Variants in SLC44A5 observed in about 807,000 individuals in gnomAD.
The protein encoded by SLC44A5 is solute carrier family 44 member 5.
In SLC44A5, 57 loss-of-function variants were observed where a neutral mutation model predicts 101.8. The ratio of observed to expected loss-of-function variants is 0.56; its 90% CI spans 0.45 to 0.70. SLC44A5 has a LOEUF of 0.70. Ranked by LOEUF, SLC44A5 falls within the 30% of genes least tolerant of loss-of-function variation. The probability of loss-of-function intolerance (pLI) is 0.00; values close to 1 mark genes in which losing one functional copy is unlikely to be tolerated. For missense variants in SLC44A5, 737 were observed against 853.1 expected, an observed-to-expected ratio of 0.86 and a Z score of 1.70; for synonymous variants, 281 against 290.9, an observed-to-expected ratio of 0.97 and a Z score of 0.35.
intron 3 of SLC44A5, among the ~76,000 whole-genome samples, chr1:75,360,372 G>T (rs969565318): frequency 6.6e-6 from 1 of 152,032 alleles, no homozygotes; most frequent in African/African-American, 2.4e-5. Flanking sequence ...GTCTCACTTT[G>T]TTGTCCAGGC....
At chr1:75,333,805 G>A (rs894777923) in intron 4 of SLC44A5, among the ~76,000 whole-genome samples, 3 of 152,138 alleles carry the variant, frequency 2.0e-5, no homozygotes, top group African/African-American at 2.4e-5. Context: ...CAAAGCAGAG[G>A]TGACCCTTGC....
At chr1:75,297,253 C>G (rs1333798681) in intron 5 of SLC44A5, among the ~76,000 whole-genome samples, 1 of 152,106 alleles carries the variant, frequency 6.6e-6, no homozygotes, top group Non-Finnish European at 1.5e-5. Context: ...AAAGAGTAAT[C>G]AATTTAAAAA....
the SLC44A5 span, among the ~76,000 whole-genome samples, chr1:75,670,710 C>G: frequency 6.6e-6 from 1 of 152,156 alleles, no homozygotes; most frequent in African/African-American, 2.4e-5. Context: ...GAAAAGATAG[C>G]TGTCATTATA....
the SLC44A5 span, among the ~76,000 whole-genome samples, chr1:75,683,863 A>C: frequency 6.6e-6 from 1 of 152,164 alleles, no homozygotes; most frequent in African/African-American, 2.4e-5. Context: ...TTGAAAATAA[A>C]GGGATGGAAA....
chr1:75,597,187 C>CAAAAA (rs36100438), intron 1 of SLC44A5, among the ~76,000 whole-genome samples: 1 of 102,994 alleles, frequency 9.7e-6, no homozygotes. Flanking sequence ...GACTTTGTCT[C>CAAAAA]AAAAAAAAAA....
At chr1:75,241,902 A>G (rs1648662222) in intron 9 of SLC44A5, 99 bp downstream of exon 9, 1 of 1,030,160 alleles carries the variant, frequency 9.7e-7, no homozygotes, top group Non-Finnish European at 1.5e-6. Context: ...TCAGAGGACC[A>G]TTCTTGGCCT....
the SLC44A5 span, among the ~76,000 whole-genome samples, chr1:75,662,803 T>C: frequency 6.6e-6 from 1 of 152,126 alleles, no homozygotes; most frequent in Non-Finnish European, 1.5e-5. Flanking sequence ...CTATTCTTTC[T>C]GTGTACTTAT....
At chr1:75,232,302 T>G (rs949124827) in intron 12 of SLC44A5, among the ~76,000 whole-genome samples, 1 of 152,166 alleles carries the variant, frequency 6.6e-6, no homozygotes, top group Non-Finnish European at 1.5e-5. Flanking sequence ...AGACATCAGT[T>G]AAGTCAATAG....
chr1:75,498,467 T>C (rs1172678112), intron 2 of SLC44A5, among the ~76,000 whole-genome samples: 1 of 152,186 alleles, frequency 6.6e-6, no homozygotes, highest in Non-Finnish European at 1.5e-5. Context: ...TTGCATTCTT[T>C]AAAATGCATA....
chr1:75,414,324 TACACACACACACAC>T lies in SLC44A5; in HGVS notation c.14-17717_14-17704del, dbSNP rs35421682. 4.3e-3 allele frequency among the ~76,000 whole-genome samples: 635 copies of T among 146,088 alleles called. 5 individuals carry two copies. In the Middle Eastern group the frequency reaches 0.045, roughly 10 times the overall value. ...ATACATACATACATACATATCCACA[TACACACACACACAC>T]ACACACACACACACACACATATATC... On this transcript the variant is annotated intron_variant, in intron 2 of 23. Transcript: ENST00000370859.
the SLC44A5 span, among the ~76,000 whole-genome samples, chr1:75,646,117 T>C: frequency 9.6e-5 from 13 of 135,410 alleles, no homozygotes; most frequent in African/African-American, 3.2e-4. Context: ...CAATATGGGC[T>C]CTTTTTTGGT....
At chr1:75,242,736 C>T (rs900467448) in intron 8 of SLC44A5, 150 bp downstream of exon 8, 1 of 891,762 alleles carries the variant, frequency 1.1e-6, no homozygotes, top group Admixed American at 2.8e-5. Flanking sequence ...CATGCACACC[C>T]AGTACACATG....
At chr1:75,558,316 G>A (rs1449613494) in intron 1 of SLC44A5, among the ~76,000 whole-genome samples, 1 of 152,038 alleles carries the variant, frequency 6.6e-6, no homozygotes, top group Non-Finnish European at 1.5e-5. Context: ...TACTTGCTAG[G>A]ACAAAACATT....
At chr1:75,612,372 C>T (rs1196411256), upstream of SLC44A5, among the ~76,000 whole-genome samples, 1 of 152,164 alleles carries the variant, frequency 6.6e-6, no homozygotes, top group Non-Finnish European at 1.5e-5. Flanking sequence ...CTTCCTTACA[C>T]ATTACACCTC....
At chr1:75,364,337 A>G (rs1441486128) in intron 3 of SLC44A5, among the ~76,000 whole-genome samples, 1 of 152,182 alleles carries the variant, frequency 6.6e-6, no homozygotes, top group Non-Finnish European at 1.5e-5. Flanking sequence ...ACCATGGTGG[A>G]AGGTGAAGGT....
At chr1:75,565,656 G>T (rs1437504894) in intron 1 of SLC44A5, among the ~76,000 whole-genome samples, 1 of 152,140 alleles carries the variant, frequency 6.6e-6, no homozygotes, top group Admixed American at 6.5e-5. Flanking sequence ...TTTGGTATCA[G>T]AGCCAGGTTC....
chr1:75,403,542 TA>T (rs1272007888), intron 2 of SLC44A5, among the ~76,000 whole-genome samples: 1 of 152,148 alleles, frequency 6.6e-6, no homozygotes, highest in Non-Finnish European at 1.5e-5. Flanking sequence ...CCTCTGGTGA[TA>T]CCCAGGAAAA....
chr1:75,455,015 A>T (rs1436870385), intron 2 of SLC44A5, among the ~76,000 whole-genome samples: 2 of 152,130 alleles, frequency 1.3e-5, no homozygotes, highest in African/African-American at 2.4e-5. Context: ...AAATAGAAAA[A>T]AACTATTCTA....
intron 3 of SLC44A5, among the ~76,000 whole-genome samples, chr1:75,352,600 C>A (rs934759773): frequency 5.3e-5 from 8 of 151,362 alleles, no homozygotes; most frequent in African/African-American, 1.7e-4. Flanking sequence ...TATTATATAC[C>A]CCCCAAAGAT....
Sources: allele counts gnomAD v4.1 joint callset (sites outside exome capture counted in the v4.1 genomes callset), GRCh38; gene constraint gnomAD v4.1.1; transcripts MANE v1.5; gene names NCBI Gene and HGNC (gene_info 2026-07-23, HGNC 2026-07-21).